The following NAV3 variants were observed in gnomAD, a reference collection of about 807,000 sequenced individuals.
NAV3 encodes the protein neuron navigator 3.
In NAV3, 87 loss-of-function variants were observed where a neutral mutation model predicts 244.7. That is an observed-to-expected ratio of 0.36 (90% CI 0.30 to 0.42). The LOEUF is 0.42. NAV3 is among the 20% of genes least tolerant of loss of function. The pLI is 1.00. For missense variants in NAV3, 2,663 were observed against 2,893.3 expected, an observed-to-expected ratio of 0.92 and a Z score of 1.83; for synonymous variants, 1,126 against 1,042.2, an observed-to-expected ratio of 1.08 and a Z score of -1.55.
intron 38 of NAV3, among the ~76,000 whole-genome samples, chr12:78,203,854 T>C (rs1960002229): frequency 2.0e-5 from 3 of 151,562 alleles, no homozygotes; most frequent in Admixed American, 6.6e-5. Context: ...TTTTTTTTTT[T>C]CACAATGTCT....
At position 78,051,222 on chromosome 12, in the gene NAV3, A is replaced by G. The variant is rs1020356468; in HGVS notation, c.2516+75A>G. The G allele has an allele frequency of 9.4e-6, 14 of 1,493,998 alleles. No individual in the cohort carries two copies. In the Admixed American group the frequency reaches 2.8e-4, roughly 30 times the overall value. 92.5% of individuals were successfully genotyped at this position (1,493,998 alleles called of 1,614,324 possible). A position where few individuals can be genotyped will look rare whatever the true frequency, so the allele number is the denominator to read the frequency against. On this transcript the variant is annotated intron_variant, in intron 11 of 39. Coordinates refer to ENST00000397909, the MANE Select transcript of NAV3 (RefSeq NM_001024383.2). ...TACTATAATGCATTCACTATAAACA[A>G]ATGTGTAAGTTTGCCCAGAAAGTCA...
At chr12:77,997,237 C>CAAAAAAAAAAAAAAAAAAAAAAAAA (rs139557569) in intron 6 of NAV3, among the ~76,000 whole-genome samples, 1 of 78,732 alleles carries the variant, frequency 1.3e-5, no homozygotes, top group African/African-American at 4.8e-5. Context: ...CACCCTGTCT[C>CAAAAAAAAAAAAAAAAAAAAAAAAA]AAAAAAAAAA....
At chr12:78,165,253 T>C (rs1488239443) in intron 23 of NAV3, among the ~76,000 whole-genome samples, 2 of 152,014 alleles carry the variant, frequency 1.3e-5, no homozygotes, top group African/African-American at 2.4e-5. Context: ...TTTTGAAAAG[T>C]GTGAAGTAAC....
intron 12 of NAV3, among the ~76,000 whole-genome samples, chr12:78,060,112 C>T (rs1470228590): frequency 1.3e-5 from 2 of 151,942 alleles, no homozygotes; most frequent in African/African-American, 4.8e-5. Flanking sequence ...GATTTTGCTC[C>T]CTCTTCACTC....
At chr12:78,101,038 A>G (rs575061052) in intron 12 of NAV3, among the ~76,000 whole-genome samples, 7 of 152,222 alleles carry the variant, frequency 4.6e-5, no homozygotes, top group African/African-American at 1.7e-4. Flanking sequence ...TTTTGCCACA[A>G]TTTGTAATAA....
At chr12:77,987,195 T>G (rs1424170471) in intron 5 of NAV3, among the ~76,000 whole-genome samples, 1 of 152,142 alleles carries the variant, frequency 6.6e-6, no homozygotes, top group Admixed American at 6.6e-5. Context: ...TATAATATCT[T>G]GGAAATCTTC....
intron 11 of NAV3, among the ~76,000 whole-genome samples, chr12:78,055,245 TATATATGCACACATATGTGTATATATAC>T (rs1490972845): frequency 2.6e-3 from 3 of 1,168 alleles, no homozygotes; most frequent in South Asian, 0.05. Context: ...TATATATACA[TATATATGCACACATATGTGTATATATAC>T]ATATATATAC....
chr12:78,025,159 C>G (rs556967651), intron 9 of NAV3, among the ~76,000 whole-genome samples: 76 of 152,248 alleles, frequency 5.0e-4, no homozygotes, highest in Middle Eastern at 3.4e-3. Context: ...CCACTAATGT[C>G]AACATGGCCA....
At chr12:78,179,294 A>G in intron 28 of NAV3, 2 of 421,008 alleles carry the variant, frequency 4.8e-6, no homozygotes, top group East Asian at 4.3e-5. Context: ...AGAGTAGACT[A>G]TTTTTAAACT....
intron 2 of NAV3, among the ~76,000 whole-genome samples, chr12:77,787,112 G>T (rs1359805405): frequency 6.6e-6 from 1 of 151,962 alleles, no homozygotes; most frequent in Non-Finnish European, 1.5e-5. Flanking sequence ...TTCTTATGTG[G>T]CTCACCTGTC....
At chr12:78,204,862 C>A in intron 38 of NAV3, 73 bp from the exon 39 acceptor site, 1 of 1,342,382 alleles carries the variant, frequency 7.4e-7, no homozygotes, top group South Asian at 1.3e-5. Context: ...AAATCACATC[C>A]AACTAGCAGT....
At chr12:77,689,202 T>A (rs1874893900) in intron 2 of NAV3, among the ~76,000 whole-genome samples, 1 of 151,912 alleles carries the variant, frequency 6.6e-6, no homozygotes, top group Non-Finnish European at 1.5e-5. Context: ...GAGCAAAATA[T>A]GTTATTCTCA....
intron 1 of NAV3, among the ~76,000 whole-genome samples, chr12:77,926,060 T>C (rs1269210099): frequency 1.3e-5 from 2 of 152,186 alleles, no homozygotes; most frequent in Non-Finnish European, 2.9e-5. Flanking sequence ...TATTGCTCCC[T>C]GTCAACTGAT....
At chr12:77,781,599 G>A (rs1164618541) in intron 2 of NAV3, among the ~76,000 whole-genome samples, 2 of 152,058 alleles carry the variant, frequency 1.3e-5, no homozygotes, top group African/African-American at 2.4e-5. Flanking sequence ...TCCCTAAAAT[G>A]TATAAAACCA....
At chr12:77,716,839 C>T (rs1030873503) in intron 2 of NAV3, among the ~76,000 whole-genome samples, 1 of 151,986 alleles carries the variant, frequency 6.6e-6, no homozygotes, top group Non-Finnish European at 1.5e-5. Flanking sequence ...ACTAAGCTAT[C>T]ATGAATATTA....
intron 12 of NAV3, among the ~76,000 whole-genome samples, chr12:78,114,790 G>C (rs892320201): frequency 2.0e-5 from 3 of 152,120 alleles, no homozygotes; most frequent in African/African-American, 7.2e-5. Flanking sequence ...AACCACAAAT[G>C]ACAGATATGT....
chr12:77,733,135 G>A (rs1192926394), intron 2 of NAV3, among the ~76,000 whole-genome samples: 2 of 151,994 alleles, frequency 1.3e-5, no homozygotes, highest in African/African-American at 2.4e-5. Flanking sequence ...AGGGGATATA[G>A]CAATGAGAAC....
intron 12 of NAV3, among the ~76,000 whole-genome samples, chr12:78,068,299 A>C (rs1885266378): frequency 6.6e-6 from 1 of 151,798 alleles, no homozygotes; most frequent in Admixed American, 6.6e-5. Context: ...TTATTCATAA[A>C]ATTATTAATT....
intron 11 of NAV3, among the ~76,000 whole-genome samples, chr12:78,056,914 A>G (rs765635017): frequency 1.8e-4 from 27 of 152,236 alleles, no homozygotes; most frequent in Non-Finnish European, 8.8e-5. Flanking sequence ...GAAGTCATTT[A>G]AATGGGAATA....
Sources: gnomAD v4.1 joint callset for allele counts (sites outside exome capture counted in the v4.1 genomes callset) on GRCh38, gnomAD v4.1.1 for gene constraint, MANE v1.5 for transcripts, NCBI Gene and HGNC (gene_info 2026-07-23, HGNC 2026-07-21) for gene names.